The following SFXN3 variants were observed in gnomAD, a reference collection of about 807,000 sequenced individuals.
SFXN3 encodes sideroflexin 3.
Under a neutral mutation model 40.4 loss-of-function variants are expected in SFXN3, and 31 were observed. The ratio of observed to expected loss-of-function variants is 0.77; its 90% confidence interval spans 0.58 to 1.04. The LOEUF (loss-of-function observed/expected upper bound fraction) is 1.04. SFXN3 is among the 50% of genes least tolerant of loss of function. SFXN3 has a pLI of 0.00. For synonymous variants in SFXN3, 157 were observed against 160.0 expected (o/e 0.98, Z 0.14); for missense variants, 366 against 408.2 (o/e 0.90, Z 0.89).
intron 9 of SFXN3, 127 bp downstream of exon 9, chr10:101,037,558 G>A (rs181443635): frequency 2.6e-5 from 42 of 1,585,926 alleles, no homozygotes; most frequent in Admixed American, 8.8e-5. Context: ...CCCCTGCACC[G>A]CCTCCTCCAC....
At position 101,036,423 on chromosome 10, in the gene SFXN3, A is replaced by G. The variant is rs986538788; in HGVS notation, c.432-63A>G. 2.7e-5 allele frequency: 41 copies of G among 1,528,306 alleles called. No individual in the cohort carries two copies. The highest frequency in any genetic ancestry group is 1.7e-4 in the Middle Eastern group (1 of 5,900). The allele number at this position is 1,528,306 out of a possible 1,614,324, so 94.7% of individuals were successfully genotyped here. A position where few individuals can be genotyped will look rare whatever the true frequency, so the allele number is the denominator to read the frequency against. On this transcript the variant is annotated intron_variant, in intron 5 of 11. Transcript: ENST00000393459. This position sits in a 1 kb window ranked among gnomAD's most constrained non-coding sequence, Gnocchi z 4.2. The stretch of plus-strand genomic sequence containing the variant: ...TGTATTGAGGACTTGGCATATCCCT[A>G]AAGGAAAGGGCCACCTGCTGGACTT...
chr10:101,038,745 G>C, intron 10 of SFXN3, 53 bp downstream of exon 10: 1 of 1,602,538 alleles, frequency 6.2e-7, no homozygotes. Flanking sequence ...GTCCATGGTG[G>C]ATGTGGGTGG....
chr10:101,037,338 C>T (rs1414448989), intron 8 of SFXN3, 44 bp from the exon 9 acceptor site: 5 of 1,614,146 alleles, frequency 3.1e-6, no homozygotes, highest in South Asian at 1.1e-5. Context: ...CTGACTTTAA[C>T]TCCACTACTA....
At chr10:101,034,000 G>A (rs1938458816) in intron 2 of SFXN3, among the ~76,000 whole-genome samples, 1 of 151,938 alleles carries the variant, frequency 6.6e-6, no homozygotes, top group African/African-American at 2.4e-5. Context: ...GTGCAATCGC[G>A]TTTTATATGG....
At position 101,036,482 on chromosome 10, in the gene SFXN3, A is replaced by C; in HGVS notation, c.432-4A>C. 6.2e-7 allele frequency: 1 copy of C among 1,613,992 alleles called. No individual in the cohort carries two copies. The highest frequency in any genetic ancestry group is 8.5e-7 in the Non-Finnish European group (1 of 1,179,940). ...TCCCCGTGACCTGGCTTTTCCACCC[A>C]CAGGCAGCTGGGGACAGCCTATGTG... is the stretch of plus-strand genomic sequence containing the variant. On this transcript the variant is annotated splice_polypyrimidine_tract_variant and splice_region_variant and intron_variant, in intron 5 of 11. Transcript: ENST00000393459. The surrounding 1 kb of genome is among the most constrained non-coding windows in gnomAD (Gnocchi z 4.2).
rs1056406807 is a variant in SFXN3 at position 101,036,993 on chromosome 10, G to A, written c.594-83G>A. On this transcript the variant is annotated intron_variant, in intron 7 of 11. Transcript: ENST00000393459. The surrounding 1 kb of genome is among the most constrained non-coding windows in gnomAD (Gnocchi z 4.2). ...CCTTTGAGCCTGGGGTGTGTGAGGG[G>A]ACCCTGAGGAGCCGCTGCTCATTCG... 4 of 1,574,158 alleles carry A rather than the reference G, an allele frequency of 2.5e-6. No individual in the cohort carries two copies. In the African/African-American group the frequency reaches 5.4e-5, roughly 21 times the overall value.
chr10:101,035,729 G>A, intron 4 of SFXN3, 62 bp downstream of exon 4: 1 of 1,550,418 alleles, frequency 6.4e-7, no homozygotes, highest in Non-Finnish European at 8.7e-7. Context: ...TTGACTAGGT[G>A]CGCTTCTTGT....
Position 101,036,342 on chromosome 10 carries a change from A to G in SFXN3, c.432-144A>G. ...GCTACTGGGGCTTCTAGACAAGTTTACGCCGGAGATGGAGGGAAGGCTTCT... is the reference window on the plus strand; with the variant it reads ...GCTACTGGGGCTTCTAGACAAGTTTGCGCCGGAGATGGAGGGAAGGCTTCT... On this transcript the variant is annotated intron_variant, in intron 5 of 11. Coordinates refer to ENST00000393459, the Ensembl canonical transcript of SFXN3. This position sits in a 1 kb window ranked among gnomAD's most constrained non-coding sequence, Gnocchi z 4.2. The G allele has an allele frequency of 2.4e-6, 2 of 838,528 alleles. No homozygotes were observed. Among genetic ancestry groups the G allele is most frequent in the Non-Finnish European group, 1.9e-6 (1 of 524,956 alleles). The allele number at this position is 838,528 out of a possible 1,614,324, so 51.9% of individuals were successfully genotyped here.
rs1311312113 is a variant in SFXN3, at chr10:101,036,645, T to C, written c.508-78T>C. ...TCATCACACCTCCAGTTCTGACCTA[T>C]ATGCCCCCTATATCTCCCCAGAGTC... On this transcript the variant is annotated intron_variant, in intron 6 of 11. Coordinates refer to ENST00000393459, the Ensembl canonical transcript of SFXN3. The surrounding 1 kb of genome is among the most constrained non-coding windows in gnomAD (Gnocchi z 4.2). The C allele has an allele frequency of 1.2e-6, 2 of 1,610,394 alleles. No homozygotes were observed. The highest frequency in any genetic ancestry group is 4.5e-5 in the East Asian group (2 of 44,744).
At chr10:101,035,386 G>A in intron 3 of SFXN3, 111 bp from the exon 4 acceptor site, 1 of 1,283,736 alleles carries the variant, frequency 7.8e-7, no homozygotes, top group Non-Finnish European at 1.0e-6. Flanking sequence ...GAGACTGGGG[G>A]CTGAAGTTCC....
In SFXN3 at chr10:101,034,588, C is replaced by T. The variant is rs531234520; in HGVS notation, c.-3-104C>T. The T allele has an allele frequency of 2.4e-4, 297 of 1,227,416 alleles. No homozygotes were observed. The African/African-American group carries it at 3.5e-3, about 14-fold the overall frequency. 76.0% of individuals were successfully genotyped at this position (1,227,416 alleles called of 1,614,324 possible). The stretch of plus-strand genomic sequence containing the variant: ...TAGTCACCTTGAGCTCTTGAAGGGA[C>T]TGATGATAAGCTCAGGGGCCAGGGC... On this transcript the variant is annotated intron_variant, in intron 2 of 11. Coordinates refer to ENST00000393459, the Ensembl canonical transcript of SFXN3.
At chr10:101,034,428 C>A (rs961000455) in intron 2 of SFXN3, among the ~76,000 whole-genome samples, 2 of 152,178 alleles carry the variant, frequency 1.3e-5, no homozygotes, top group African/African-American at 4.8e-5. Context: ...GTGGCTGGGG[C>A]AAAGCTACAA....
exon 4 of SFXN3, chr10:101,035,574 C>T (rs1029548465): frequency 2.4e-5 from 38 of 1,614,018 alleles, no homozygotes; most frequent in African/African-American, 9.3e-5. Flanking sequence ...GCCTTCCATC[C>T]GGACACAGGG....
intron 1 of SFXN3, 169 bp from the exon 2 acceptor site, chr10:101,032,145 A>T (rs3824784): frequency 9.5e-6 from 3 of 314,244 alleles, no homozygotes; most frequent in South Asian, 1.1e-4. Flanking sequence ...CCGCCAGGGG[A>T]CTGTAAACCA....
At chr10:101,038,646 C>A (rs201018843) in exon 10 of SFXN3, 8 of 1,613,582 alleles carry the variant, frequency 5.0e-6, no homozygotes, top group Admixed American at 1.7e-5. Context: ...TCCACAGCGC[C>A]GCCCCTGGCT....
At chr10:101,037,352 T>A in intron 8 of SFXN3, 30 bp from the exon 9 acceptor site, 1 of 1,614,114 alleles carries the variant, frequency 6.2e-7, no homozygotes, top group Non-Finnish European at 8.5e-7. Flanking sequence ...ACTACTAATG[T>A]TCTCCTTCTT....
In SFXN3 at chr10:101,037,379, C is replaced by T. The variant is rs753612261; in HGVS notation, c.722-3C>T. ...CTCCTTCTTGGCCCTGCTCTCCCCA[C>T]AGCCATCCCACCACTGATCATGGAC... On this transcript the variant is annotated splice_region_variant and splice_polypyrimidine_tract_variant and intron_variant, in intron 8 of 11. Transcript: ENST00000393459. The T allele has an allele frequency of 2.4e-5, 39 of 1,614,086 alleles. No homozygotes were observed. The highest frequency in any genetic ancestry group is 1.7e-6 in the Non-Finnish European group (2 of 1,180,042).
Position 101,035,491 on chromosome 10 carries a change from C to G in SFXN3, c.162-6C>G. ...TAGCCTGTCTGCTCCTTGCCAACTT[C>G]TGCAGGGCCGGCGTGGTGACCCCAG... On this transcript the variant is annotated splice_polypyrimidine_tract_variant and splice_region_variant and intron_variant, in intron 3 of 11. Transcript: ENST00000393459. 1 of 1,597,028 alleles carries G rather than the reference C, an allele frequency of 6.3e-7. No individual in the cohort carries two copies. Among genetic ancestry groups the G allele is most frequent in the Non-Finnish European group, 8.5e-7 (1 of 1,171,356 alleles).
chr10:101,038,273 TGGAAAGGGTCAGATTCATGCCACTG>T, intron 9 of SFXN3: 1 of 1,166,112 alleles, frequency 8.6e-7, no homozygotes, highest in South Asian at 2.3e-5. Flanking sequence ...GAGATGTGCT[TGGAAAGGGTCAGATTCATGCCACTG>T]GGATGGGAAG....
Sources: allele counts gnomAD v4.1 joint callset (sites outside exome capture counted in the v4.1 genomes callset), GRCh38; gene constraint gnomAD v4.1.1; non-coding constraint Gnocchi (gnomAD v3.1); transcripts MANE v1.5; gene names NCBI Gene and HGNC (gene_info 2026-07-23, HGNC 2026-07-21).